KBTBD12: variants seen among roughly 807,000 people sequenced by gnomAD.
The protein encoded by KBTBD12 is kelch repeat and BTB domain containing 12.
A neutral mutation model predicts 58.7 loss-of-function variants in KBTBD12; 53 were observed. The ratio of observed to expected loss-of-function variants is 0.90; its 90% CI spans 0.72 to 1.14. KBTBD12 has a LOEUF of 1.14. Among genes scored for constraint, KBTBD12 ranks in the 50% most tolerant of loss-of-function variants. The pLI, the probability that KBTBD12 is intolerant of heterozygous loss-of-function variation, is 0.00. For synonymous variants in KBTBD12, 236 were observed against 259.8 expected, an observed-to-expected ratio of 0.91 and a Z score of 0.88; for missense variants, 704 against 751.3, an observed-to-expected ratio of 0.94 and a Z score of 0.74.
At chr3:127,919,264 C>T (rs563066926) in intron 1 of KBTBD12, among the ~76,000 whole-genome samples, 1 of 152,072 alleles carries the variant, frequency 6.6e-6, no homozygotes, top group Non-Finnish European at 1.5e-5. Context: ...ACTTAAACAG[C>T]CTGTCACCCA....
Position 127,930,208 on chromosome 3 carries a change from A to C in KBTBD12, c.1417A>C (p.Ser473Arg). The C allele has an allele frequency of 6.2e-7, 1 of 1,608,906 alleles. No homozygotes were observed. The highest frequency in any genetic ancestry group is 2.2e-5 in the East Asian group (1 of 44,806). ...GTATGACCCCAGCCAAGATCAATGGAGTGTGCGGGCACCCATGAAGTACTC... is the reference window on the plus strand; with the variant it reads ...GTATGACCCCAGCCAAGATCAATGGCGTGTGCGGGCACCCATGAAGTACTC... ...LQYDPSQDQW[S>R]VRAPMKYSKY... The change falls in exon 4 of 6, where the codon AGT (serine) becomes CGT (arginine). Residue 473 changes from serine (S) to arginine (R), a missense_variant. Coordinates refer to ENST00000405109, the MANE Select transcript of KBTBD12 (RefSeq NM_207335.4).
At chr3:127,931,963 G>A (rs1223782210) in intron 4 of KBTBD12, among the ~76,000 whole-genome samples, 1 of 152,058 alleles carries the variant, frequency 6.6e-6, no homozygotes, top group Admixed American at 6.6e-5. Context: ...AGATTATAGA[G>A]GCCTTTGGAT....
intron 4 of KBTBD12, among the ~76,000 whole-genome samples, chr3:127,931,611 CTAGATGT>C (rs1939702792): frequency 1.3e-5 from 2 of 152,024 alleles, no homozygotes; most frequent in South Asian, 4.1e-4. Context: ...CACAACGAGG[CTAGATGT>C]GGAATTTAAA....
At position 127,927,745 on chromosome 3, in the gene KBTBD12, C is replaced by G. The variant is rs1167642511; in HGVS notation, c.1071-19C>G. 7.5e-7 allele frequency: 1 copy of G among 1,338,178 alleles called. No homozygotes were observed. Among genetic ancestry groups the G allele is most frequent in the Non-Finnish European group, 9.9e-7 (1 of 1,007,954 alleles). The allele number at this position is 1,338,178 out of a possible 1,614,324, so 82.9% of individuals were successfully genotyped here. A position where few individuals can be genotyped will look rare whatever the true frequency, so the allele number is the denominator to read the frequency against. On this transcript the variant is annotated intron_variant, in intron 2 of 5. Transcript: ENST00000405109. ...TTCATGTTACCTCTAATCCTGGATA[C>G]TCTCTCTCTCTTTTGCAGGTATCAT...
In KBTBD12 at chr3:127,930,284, G is replaced by T; in HGVS notation, c.1492+1G>T. The stretch of plus-strand genomic sequence containing the variant: ...GTCAACAGTGAGATTTATGTTTTGG[G>T]TAAGAAGAAGCAGATTGCTAACAGT... On this transcript the variant is annotated splice_donor_variant, in intron 4 of 5. Coordinates refer to ENST00000405109, the MANE Select transcript of KBTBD12 (RefSeq NM_207335.4). LOFTEE classifies it high-confidence loss of function. 6.2e-7 allele frequency: 1 copy of T among 1,610,504 alleles called. No homozygotes were observed. Among genetic ancestry groups the T allele is most frequent in the South Asian group, 1.1e-5 (1 of 90,420 alleles).
At chr3:127,979,264 A>G (rs533743741) in intron 5 of KBTBD12, among the ~76,000 whole-genome samples, 1 of 152,376 alleles carries the variant, frequency 6.6e-6, no homozygotes, top group East Asian at 1.9e-4. Flanking sequence ...AAGACAATCA[A>G]CAGATACTAA....
At chr3:127,960,108 A>G (rs1228281737) in intron 4 of KBTBD12, among the ~76,000 whole-genome samples, 2 of 152,198 alleles carry the variant, frequency 1.3e-5, no homozygotes, top group Admixed American at 6.5e-5. Context: ...GGCAGAGGAC[A>G]TTGGGAGCAA....
chr3:127,938,682 G>C (rs929397963), intron 4 of KBTBD12, among the ~76,000 whole-genome samples: 9 of 152,118 alleles, frequency 5.9e-5, no homozygotes, highest in African/African-American at 2.2e-4. Context: ...AATATGACTT[G>C]ATTGAAAAAT....
At chr3:127,952,766 T>A (rs1292565271) in intron 4 of KBTBD12, among the ~76,000 whole-genome samples, 1 of 152,238 alleles carries the variant, frequency 6.6e-6, no homozygotes. Flanking sequence ...GAGGAGTTAC[T>A]GTAACAGGCA....
chr3:127,968,182 G>A (rs1448761064), intron 5 of KBTBD12, among the ~76,000 whole-genome samples: 2 of 152,182 alleles, frequency 1.3e-5, no homozygotes, highest in African/African-American at 2.4e-5. Flanking sequence ...TGACCCAGAA[G>A]TCTTACGTCT....
At chr3:127,973,817 C>T (rs930552021) in intron 5 of KBTBD12, among the ~76,000 whole-genome samples, 10 of 152,194 alleles carry the variant, frequency 6.6e-5, no homozygotes, top group African/African-American at 2.4e-4. Context: ...CTTTGATAGA[C>T]ACCAGCTATG....
At position 127,981,695 on chromosome 3, in the gene KBTBD12, A is replaced by G. The variant is rs557832050; in HGVS notation, c.1691-2402A>G. 1.2e-3 allele frequency among the ~76,000 whole-genome samples: 180 copies of G among 152,274 alleles called. 1 individual carries two copies. The highest frequency in any genetic ancestry group is 3.3e-3 in the South Asian group (16 of 4,820). ...GGTGGCTCACACTTGTAATCCCAGC[A>G]GTTTGGGAGGCTGAGGAGGGCAGAT... On this transcript the variant is annotated intron_variant, in intron 5 of 5. Transcript: ENST00000405109.
At chr3:127,948,667 C>A (rs1940140913) in intron 4 of KBTBD12, among the ~76,000 whole-genome samples, 2 of 152,174 alleles carry the variant, frequency 1.3e-5, no homozygotes, top group African/African-American at 4.8e-5. Context: ...CAGTGAGAAT[C>A]CCTGGTGTAC....
chr3:127,969,274 A>T (rs1448807676), intron 5 of KBTBD12, among the ~76,000 whole-genome samples: 1 of 152,216 alleles, frequency 6.6e-6, no homozygotes, highest in African/African-American at 2.4e-5. Context: ...ATTTCTATAC[A>T]CTTACAATGA....
rs1267048787 is a variant in KBTBD12 at position 127,931,524 on chromosome 3, C to T, written c.1492+1241C>T. On this transcript the variant is annotated intron_variant, in intron 4 of 5. Coordinates refer to ENST00000405109, the MANE Select transcript of KBTBD12 (RefSeq NM_207335.4). ...AAGGGCCTGTCTACTAAACATATTACAGTTGGGGGCAGCCAAAAGTGGGAT... is the reference window on the plus strand; with the variant it reads ...AAGGGCCTGTCTACTAAACATATTATAGTTGGGGGCAGCCAAAAGTGGGAT... Among the ~76,000 whole-genome samples, 4 of 152,188 alleles carry T rather than the reference C, an allele frequency of 2.6e-5. No homozygotes were observed. In the East Asian group the frequency reaches 7.7e-4, roughly 29 times the overall value.
intron 4 of KBTBD12, among the ~76,000 whole-genome samples, chr3:127,936,432 A>G (rs1253188020): frequency 1.3e-5 from 2 of 152,146 alleles, no homozygotes; most frequent in Non-Finnish European, 2.9e-5. Context: ...GATTTATACT[A>G]CTATCAAGAA....
At chr3:127,955,219 G>A (rs562494467) in intron 4 of KBTBD12, among the ~76,000 whole-genome samples, 6 of 152,294 alleles carry the variant, frequency 3.9e-5, no homozygotes, top group African/African-American at 9.6e-5. Context: ...CCTGTCTAGG[G>A]AGACAGTTAA....
intron 4 of KBTBD12, among the ~76,000 whole-genome samples, chr3:127,959,560 C>A (rs939481944): frequency 1.3e-5 from 2 of 152,166 alleles, no homozygotes; most frequent in African/African-American, 4.8e-5. Context: ...TAATAAACAC[C>A]GGTTACTCAT....
intron 4 of KBTBD12, among the ~76,000 whole-genome samples, chr3:127,960,057 G>A (rs549501786): frequency 1.2e-4 from 19 of 152,294 alleles, no homozygotes; most frequent in Admixed American, 3.9e-4. Context: ...TCAAACCCAG[G>A]GGAAAATAGA....
Sources: allele counts gnomAD v4.1 joint callset (sites outside exome capture counted in the v4.1 genomes callset), GRCh38; gene constraint gnomAD v4.1.1; transcripts MANE v1.5; gene names NCBI Gene and HGNC (gene_info 2026-07-23, HGNC 2026-07-21).